The following EPHB2 variants were observed in gnomAD, a reference collection of about 807,000 sequenced individuals.
EPHB2 encodes the protein EPH receptor B2.
In EPHB2, 18 loss-of-function variants were observed where a neutral mutation model predicts 96.4. That is an observed-to-expected ratio of 0.19 (90% confidence interval 0.13 to 0.28). The LOEUF (loss-of-function observed/expected upper bound fraction) is 0.28, where lower values mean the gene tolerates loss of function less well. Among genes scored for constraint, EPHB2 ranks in the 10% least tolerant of loss-of-function variants. The pLI is 1.00. For missense variants in EPHB2, 989 were observed against 1,355.4 expected (o/e 0.73, Z 4.25); for synonymous variants, 506 against 534.1 (o/e 0.95, Z 0.72).
chr1:22,758,326 A>C (rs1644184537), intron 1 of EPHB2, among the ~76,000 whole-genome samples: 1 of 152,118 alleles, frequency 6.6e-6, no homozygotes, highest in South Asian at 2.1e-4. Context: ...GCATAGGGTC[A>C]GGAAGGGTCA....
intron 1 of EPHB2, among the ~76,000 whole-genome samples, chr1:22,723,617 G>A (rs149187455): frequency 3.3e-5 from 5 of 152,336 alleles, no homozygotes; most frequent in South Asian, 2.1e-4. Flanking sequence ...AGGAGATATC[G>A]GGGGAAAGAC....
intron 1 of EPHB2, chr1:22,774,760 C>A: frequency 3.3e-6 from 1 of 306,700 alleles, no homozygotes; most frequent in Non-Finnish European, 4.8e-6. Flanking sequence ...CATCACCCAG[C>A]TGCTGTGTGG....
chr1:22,711,423 G>T (rs964658779), intron 1 of EPHB2, among the ~76,000 whole-genome samples: 2 of 146,568 alleles, frequency 1.4e-5, no homozygotes, highest in East Asian at 4.0e-4. Context: ...GGCCGTGGCG[G>T]GGGGCGGGGG....
At chr1:22,747,996 C>T (rs781433457) in intron 1 of EPHB2, among the ~76,000 whole-genome samples, 8 of 152,210 alleles carry the variant, frequency 5.3e-5, no homozygotes, top group Non-Finnish European at 1.0e-4. Context: ...GGCAGGATAG[C>T]ATGGTAGCTG....
intron 1 of EPHB2, among the ~76,000 whole-genome samples, chr1:22,739,939 C>G (rs1283957157): frequency 6.6e-6 from 1 of 152,166 alleles, no homozygotes; most frequent in Non-Finnish European, 1.5e-5. Flanking sequence ...GAGAAGAATT[C>G]CCTCGTCGGC....
intron 3 of EPHB2, among the ~76,000 whole-genome samples, chr1:22,804,431 T>G (rs1265085471): frequency 2.0e-5 from 3 of 152,136 alleles, no homozygotes; most frequent in Non-Finnish European, 4.4e-5. Flanking sequence ...CTCATGAATA[T>G]AAAATGCAGA....
At chr1:22,726,436 T>A (rs1449600163) in intron 1 of EPHB2, among the ~76,000 whole-genome samples, 1 of 150,832 alleles carries the variant, frequency 6.6e-6, no homozygotes, top group Non-Finnish European at 1.5e-5. Context: ...TTTTTTTTTT[T>A]ATGAGACGGA....
intron 6 of EPHB2, among the ~76,000 whole-genome samples, chr1:22,883,682 C>G (rs898698617): frequency 6.6e-6 from 1 of 152,190 alleles, no homozygotes; most frequent in Non-Finnish European, 1.5e-5. Flanking sequence ...GGCCTTCCCA[C>G]TCTGTTAACT....
chr1:22,766,001 T>C (rs1644303151), intron 1 of EPHB2, among the ~76,000 whole-genome samples: 1 of 152,200 alleles, frequency 6.6e-6, no homozygotes, highest in African/African-American at 2.4e-5. Flanking sequence ...TCCCTGTTTG[T>C]GGCATCCTCC....
Position 22,913,878 on chromosome 1 carries a change from C to T in EPHB2, c.*308C>T. The stretch of plus-strand genomic sequence containing the variant: ...TGTTCTTGCGGGGGATAAAAAAGGG[C>T]TTGGGAGATTCATGCGATGTGTCCA... On this transcript the variant is annotated 3_prime_UTR_variant, in exon 16 of 16. Transcript: ENST00000374630. This position sits in a 1 kb window ranked among gnomAD's most constrained non-coding sequence, Gnocchi z 4.1. 6.3e-7 allele frequency: 1 copy of T among 1,587,342 alleles called. No homozygotes were observed. The highest frequency in any genetic ancestry group is 8.6e-7 in the Non-Finnish European group (1 of 1,168,810).
chr1:22,775,386 C>G (rs762025015), intron 1 of EPHB2: 20 of 684,540 alleles, frequency 2.9e-5, no homozygotes, highest in Non-Finnish European at 5.4e-5. Flanking sequence ...ATGAAAGTTT[C>G]TTCTTCATGA....
chr1:22,781,940 GATA>G (rs1644539252), intron 2 of EPHB2, among the ~76,000 whole-genome samples: 1 of 152,146 alleles, frequency 6.6e-6, no homozygotes, highest in African/African-American at 2.4e-5. Context: ...GGGCCCTATA[GATA>G]ATAAGTGAAA....
At chr1:22,757,487 T>A (rs1644168871) in intron 1 of EPHB2, among the ~76,000 whole-genome samples, 1 of 152,204 alleles carries the variant, frequency 6.6e-6, no homozygotes, top group Non-Finnish European at 1.5e-5. Context: ...CTTGCTCTTT[T>A]ACTTACCAGT....
intron 1 of EPHB2, 28 bp from the exon 2 acceptor site, chr1:22,781,393 G>A (rs772739197): frequency 1.2e-6 from 2 of 1,611,210 alleles, no homozygotes; most frequent in South Asian, 2.2e-5. Context: ...AGGTGGGGCG[G>A]GGTGGTGACT....
intron 1 of EPHB2, among the ~76,000 whole-genome samples, chr1:22,770,851 T>G (rs1570247015): frequency 6.9e-6 from 1 of 145,608 alleles, no homozygotes. Flanking sequence ...GTGAGTGGAG[T>G]GGGACAGATG....
intron 3 of EPHB2, among the ~76,000 whole-genome samples, chr1:22,798,969 G>A (rs775745614): frequency 1.9e-4 from 29 of 152,144 alleles, no homozygotes; most frequent in African/African-American, 6.8e-4. Flanking sequence ...GGGGGACATG[G>A]TAATGGATGA....
intron 1 of EPHB2, among the ~76,000 whole-genome samples, chr1:22,731,131 A>G (rs1643700769): frequency 6.6e-6 from 1 of 152,178 alleles, no homozygotes; most frequent in Non-Finnish European, 1.5e-5. Flanking sequence ...TGGCATGGAA[A>G]CATATGTCTC....
At chr1:22,725,531 G>A (rs1643563443) in intron 1 of EPHB2, among the ~76,000 whole-genome samples, 1 of 151,914 alleles carries the variant, frequency 6.6e-6, no homozygotes, top group African/African-American at 2.4e-5. Context: ...TATCTGGACT[G>A]TGACATTTCC....
chr1:22,770,055 T>C (rs900153539), intron 1 of EPHB2, among the ~76,000 whole-genome samples: 2 of 152,010 alleles, frequency 1.3e-5, no homozygotes, highest in Admixed American at 1.3e-4. Flanking sequence ...ACTTCATAAA[T>C]AGCTGCTTGG....
Sources: allele counts gnomAD v4.1 joint callset (sites outside exome capture counted in the v4.1 genomes callset), GRCh38; gene constraint gnomAD v4.1.1; non-coding constraint Gnocchi (gnomAD v3.1); transcripts MANE v1.5; gene names NCBI Gene and HGNC (gene_info 2026-07-23, HGNC 2026-07-21).